Variants in LIMS1 observed in about 807,000 individuals in gnomAD.
The protein encoded by LIMS1 is LIM and senescent cell antigen-like-containing domain protein 1.
Under a neutral mutation model 44.1 loss-of-function variants are expected in LIMS1, and 18 were observed. The ratio of observed to expected loss-of-function variants is 0.41; its 90% CI spans 0.28 to 0.61. The LOEUF (loss-of-function observed/expected upper bound fraction) is 0.61, where lower values mean the gene tolerates loss of function less well. Among genes scored for constraint, LIMS1 ranks in the 20% least tolerant of loss-of-function variants. LIMS1 has a pLI of 0.32. For synonymous variants in LIMS1, 93 were observed against 149.1 expected (o/e 0.62, Z 2.74); for missense variants, 201 against 422.0 (o/e 0.48, Z 4.59).
intron 1 of LIMS1, among the ~76,000 whole-genome samples, chr2:108,550,990 G>A (rs1003621583): frequency 4.6e-5 from 7 of 151,830 alleles, no homozygotes; most frequent in Admixed American, 6.6e-5. Flanking sequence ...TCAGCTGGGC[G>A]TGGTGGCACA....
chr2:108,609,503 G>A (rs187406510), intron 1 of LIMS1, among the ~76,000 whole-genome samples: 4 of 152,216 alleles, frequency 2.6e-5, no homozygotes, highest in East Asian at 3.9e-4. Flanking sequence ...AGAGTGAGGC[G>A]CCCACTGTTC....
At position 108,647,230 on chromosome 2, in the gene LIMS1, C is replaced by T. The variant is rs183166565; in HGVS notation, c.33-12375C>T. ...GAAAATCTAGAAGAAATGGATAAAT[C>T]GCTGGACATGTACACCCTCCCAAGA... On this transcript the variant is annotated intron_variant, in intron 1 of 9. Transcript: ENST00000544547. Among the ~76,000 whole-genome samples the T allele has an allele frequency of 1.8e-3, 276 of 152,198 alleles. 2 individuals are homozygous for T. Among genetic ancestry groups the T allele is most frequent in the Admixed American group, 0.016 (240 of 15,298 alleles).
intron 5 of LIMS1, chr2:108,673,828 C>T (rs1444494704): frequency 1.3e-5 from 2 of 151,174 alleles, no homozygotes; most frequent in Non-Finnish European, 3.0e-5. Flanking sequence ...GATCTAAAAA[C>T]AAAAAAAGGT....
exon 10 of LIMS1, chr2:108,683,975 A>G (rs1693178484): frequency 2.5e-6 from 4 of 1,580,316 alleles, no homozygotes; most frequent in Non-Finnish European, 3.5e-6. Context: ...TTAAGAAACT[A>G]GCTGAGACCT....
chr2:108,665,479 G>C (rs1338232192), intron 2 of LIMS1, among the ~76,000 whole-genome samples: 1 of 152,222 alleles, frequency 6.6e-6, no homozygotes, highest in East Asian at 1.9e-4. Flanking sequence ...ATTTAGAGAC[G>C]TAGGCAGTAG....
chr2:108,583,019 G>A (rs985059882), intron 1 of LIMS1, among the ~76,000 whole-genome samples: 13 of 151,568 alleles, frequency 8.6e-5, no homozygotes, highest in African/African-American at 3.2e-4. Context: ...ATTAAAAAGG[G>A]GTGTTTTTTG....
intron 5 of LIMS1, chr2:108,673,847 T>C (rs1692312400): frequency 6.6e-6 from 1 of 152,260 alleles, no homozygotes. Context: ...GTCTTATCTC[T>C]GTACATGCAT....
chr2:108,624,083 A>G (rs1688421354), intron 1 of LIMS1, among the ~76,000 whole-genome samples: 1 of 152,210 alleles, frequency 6.6e-6, no homozygotes, highest in Non-Finnish European at 1.5e-5. Flanking sequence ...ACAGTGGAGC[A>G]TTACCCACTG....
chr2:108,628,789 AAT>A (rs1157003713), intron 1 of LIMS1, among the ~76,000 whole-genome samples: 2 of 152,148 alleles, frequency 1.3e-5, no homozygotes. Context: ...TTTGAAGAGA[AAT>A]ATGACAGTAA....
chr2:108,595,314 C>T (rs1191943658), intron 1 of LIMS1, among the ~76,000 whole-genome samples: 1 of 152,058 alleles, frequency 6.6e-6, no homozygotes, highest in South Asian at 2.1e-4. Flanking sequence ...TCTTCCAGTG[C>T]CTTTTTCAGA....
chr2:108,684,153 T>C (rs1199170520), exon 10 of LIMS1: 4 of 444,932 alleles, frequency 9.0e-6, no homozygotes, highest in Non-Finnish European at 1.2e-5. Context: ...AAAGAAAAAT[T>C]CATATAATCG....
chr2:108,677,083 T>G (rs1372199975), intron 7 of LIMS1, among the ~76,000 whole-genome samples: 1 of 152,238 alleles, frequency 6.6e-6, no homozygotes, highest in Non-Finnish European at 1.5e-5. Flanking sequence ...GTTATCAATA[T>G]TGATACCGTA....
chr2:108,551,310 T>C (rs1316698406), intron 1 of LIMS1, among the ~76,000 whole-genome samples: 2 of 147,378 alleles, frequency 1.4e-5, no homozygotes, highest in African/African-American at 4.9e-5. Context: ...TATAAATATA[T>C]ATTTTTATAT....
chr2:108,565,139 CTGT>C (rs1304153105), intron 1 of LIMS1, among the ~76,000 whole-genome samples: 1 of 152,196 alleles, frequency 6.6e-6, no homozygotes, highest in East Asian at 1.9e-4. Flanking sequence ...TTACTTATGG[CTGT>C]TGTTAAAAGC....
At chr2:108,664,097 T>G (rs1273529167) in intron 2 of LIMS1, among the ~76,000 whole-genome samples, 1 of 152,122 alleles carries the variant, frequency 6.6e-6, no homozygotes, top group African/African-American at 2.4e-5. Flanking sequence ...GCAAGATGTT[T>G]TACAAAGAGG....
At chr2:108,589,338 G>A (rs554941271) in intron 1 of LIMS1, among the ~76,000 whole-genome samples, 18 of 152,104 alleles carry the variant, frequency 1.2e-4, no homozygotes, top group African/African-American at 3.1e-4. Context: ...CTTTTTCGTG[G>A]TAACAACACT....
intron 1 of LIMS1, among the ~76,000 whole-genome samples, chr2:108,650,786 C>T (rs550067646): frequency 6.6e-6 from 1 of 152,368 alleles, no homozygotes; most frequent in South Asian, 2.1e-4. Flanking sequence ...TACAAACAAC[C>T]TTGTTCACTC....
At chr2:108,667,654 C>T (rs1188276585) in intron 2 of LIMS1, among the ~76,000 whole-genome samples, 92 of 150,120 alleles carry the variant, frequency 6.1e-4, no homozygotes, top group African/African-American at 2.2e-3. Context: ...TCATTTCTAA[C>T]TAATGGAGTT....
At chr2:108,588,585 A>G in intron 1 of LIMS1, 2 of 985,500 alleles carry the variant, frequency 2.0e-6, no homozygotes, top group Non-Finnish European at 2.4e-6. Flanking sequence ...AGAGAAGTTT[A>G]AGAGAAGAAA....
Sources: allele counts gnomAD v4.1 joint callset (sites outside exome capture counted in the v4.1 genomes callset), GRCh38; gene constraint gnomAD v4.1.1; transcripts MANE v1.5; gene names NCBI Gene and HGNC (gene_info 2026-07-23, HGNC 2026-07-21).